The following NBPF4 variants were observed in gnomAD, a reference collection of about 807,000 sequenced individuals.
NBPF4 encodes the protein NBPF member 4.
A neutral mutation model predicts 21.1 loss-of-function variants in NBPF4; 11 were observed. That is an observed-to-expected ratio of 0.52 (90% CI 0.33 to 0.86). The LOEUF (loss-of-function observed/expected upper bound fraction) is 0.86. Among genes scored for constraint, NBPF4 ranks in the 40% least tolerant of loss-of-function variants. NBPF4 has a pLI of 0.03. For missense variants in NBPF4, 88 were observed against 265.3 expected (o/e 0.33, Z 4.64); for synonymous variants, 47 against 106.4 (o/e 0.44, Z 3.43).
upstream of NBPF4, among the ~76,000 whole-genome samples, chr1:108,247,540 T>C (rs1292614200): frequency 6.6e-6 from 1 of 152,394 alleles, no homozygotes; most frequent in Admixed American, 6.5e-5. Context: ...AGAGAGTCTG[T>C]AACTTGCCCA....
At chr1:108,256,032 T>C in the NBPF4 span, among the ~76,000 whole-genome samples, 1 of 135,392 alleles carries the variant, frequency 7.4e-6, no homozygotes, top group African/African-American at 2.7e-5. Flanking sequence ...TCAATCTTTT[T>C]ATTTGTTATT....
At chr1:108,266,044 T>A in the NBPF4 span, among the ~76,000 whole-genome samples, 2 of 88,666 alleles carry the variant, frequency 2.3e-5, no homozygotes, top group Admixed American at 1.4e-4. Flanking sequence ...AGTATAATAA[T>A]AATTTAAAAA....
chr1:108,266,284 C>G, the NBPF4 span, among the ~76,000 whole-genome samples: 1 of 137,732 alleles, frequency 7.3e-6, no homozygotes, highest in South Asian at 2.6e-4. Context: ...GTAGCTGTGA[C>G]TACAGGCATG....
At chr1:108,252,610 T>C in the NBPF4 span, among the ~76,000 whole-genome samples, 2 of 123,464 alleles carry the variant, frequency 1.6e-5, no homozygotes, top group African/African-American at 3.4e-5. Flanking sequence ...TTATGGTCTG[T>C]TCCAGGATTT....
In NBPF4 at chr1:108,229,031, G is replaced by A. The variant is rs1435383500; in HGVS notation, c.1549C>T (p.Gln517Ter). 2 of 1,550,018 alleles carry A rather than the reference G, an allele frequency of 1.3e-6. No individual in the cohort carries two copies. The highest frequency in any genetic ancestry group is 3.9e-5 in the Admixed American group (2 of 50,924). The stretch of plus-strand genomic sequence containing the variant: ...CCACAGTGGAACCCTTGATCCAGCT[G>A]TAGTCGCAGACAACTGGGCACCAGG... ...STLVPSCLRL[Q>*]LDQGFHCGNG... Residue 517 changes from glutamine to a stop codon, truncating the protein, a stop_gained, in exon 13 of 15, where the codon CAG becomes TAG. Coordinates refer to ENST00000415641, the MANE Select transcript of NBPF4 (RefSeq NM_001143989.3). LOFTEE classifies it high-confidence loss of function.
At chr1:108,241,339 TACACAC>T (rs929952048) in intron 3 of NBPF4, among the ~76,000 whole-genome samples, 175 bp from the exon 4 acceptor site, 1 of 110,196 alleles carries the variant, frequency 9.1e-6, no homozygotes. Context: ...TATATATATA[TACACAC>T]ACACACACAC....
At chr1:108,228,712 T>C (rs1422408774) in intron 13 of NBPF4, among the ~76,000 whole-genome samples, 5 of 149,306 alleles carry the variant, frequency 3.3e-5, no homozygotes, top group Admixed American at 6.7e-5. Flanking sequence ...TTGGCCAAAG[T>C]CAACAAGCAG....
At chr1:108,223,854 G>A (rs1649392885) in intron 14 of NBPF4, 108 bp from the exon 15 acceptor site, 1 of 1,179,792 alleles carries the variant, frequency 8.5e-7, no homozygotes, top group South Asian at 1.5e-5. Flanking sequence ...GGGATCTCCT[G>A]CTGGGAGGAT....
In NBPF4 at chr1:108,223,472, G is replaced by T. The variant is rs143422988; in HGVS notation, c.*233C>A. The stretch of plus-strand genomic sequence containing the variant: ...AGAAACAGGGCTAACGCCGGTCAAT[G>T]CTATTTGTCCATCTGGGCATTGGTC... On this transcript the variant is annotated 3_prime_UTR_variant, in exon 15 of 15. Coordinates refer to ENST00000415641, the MANE Select transcript of NBPF4 (RefSeq NM_001143989.3). 779 of 538,880 alleles carry T rather than the reference G, an allele frequency of 1.4e-3. 14 individuals are homozygous for T. The East Asian group carries it at 0.025, about 17-fold the overall frequency. The allele number at this position is 538,880 out of a possible 1,614,324, so 33.4% of individuals were successfully genotyped here.
the NBPF4 span, among the ~76,000 whole-genome samples, chr1:108,258,039 T>C: frequency 8.2e-5 from 11 of 134,738 alleles, no homozygotes; most frequent in East Asian, 2.0e-3. Context: ...TGTGAGATCA[T>C]ATCCCAACAC....
At chr1:108,226,471 A>G (rs1162505778) in intron 14 of NBPF4, among the ~76,000 whole-genome samples, 1 of 151,038 alleles carries the variant, frequency 6.6e-6, no homozygotes, top group African/African-American at 2.5e-5. Flanking sequence ...AAAAAGGAAT[A>G]GAGCAGAGTT....
At chr1:108,246,545 C>A (rs1240900421), upstream of NBPF4, among the ~76,000 whole-genome samples, 2 of 113,046 alleles carry the variant, frequency 1.8e-5, no homozygotes, top group Admixed American at 2.2e-4. Flanking sequence ...CTTTGTCTGA[C>A]CCCATCAGTG....
chr1:108,229,056 G>T lies in NBPF4; in HGVS notation c.1524C>A (p.Thr508=). 6.4e-7 allele frequency: 1 copy of T among 1,550,906 alleles called. No homozygotes were observed. Among genetic ancestry groups the T allele is most frequent in the Non-Finnish European group, 8.7e-7 (1 of 1,146,466 alleles). ...GTAGTCGCAGACAACTGGGCACCAG[G>T]GTGCTTGGTTCCAGCTGTGCCTGTG... The part of the protein sequence containing the change: ...QVSQAQLEPS[T]LVPSCLRLQL... The change falls in exon 13 of 15, where the codon ACC becomes ACA. Residue 508 remains threonine (T), a synonymous_variant. Transcript: ENST00000415641.
the NBPF4 span, among the ~76,000 whole-genome samples, chr1:108,259,707 CT>C: frequency 4.0e-5 from 6 of 149,740 alleles, no homozygotes; most frequent in Admixed American, 2.0e-4. Flanking sequence ...ACCTCATCTT[CT>C]TTTTTAAAAA....
chr1:108,244,901 G>GATATATATATATATAT (rs1173565670), upstream of NBPF4, among the ~76,000 whole-genome samples: 9 of 12,444 alleles, frequency 7.2e-4, 1 homozygote, highest in Non-Finnish European at 8.7e-4. Context: ...TATTGTTGGA[G>GATATATATATATATAT]ATATATATAT....
chr1:108,244,923 TATATATATATATATATATATATATACAC>T (rs1649785445), upstream of NBPF4, among the ~76,000 whole-genome samples: 3 of 47,814 alleles, frequency 6.3e-5, 1 homozygote, highest in African/African-American at 2.6e-4. Flanking sequence ...TATATATATA[TATATATATATATATATATATATATACAC>T]ACACATATAG....
Position 108,228,986 on chromosome 1 carries a change from C to T in NBPF4, c.1594G>A (p.Gly532Ser). Residue 532 changes from glycine (G) to serine (S), a missense_variant, in exon 13 of 15, where the codon GGC (glycine) becomes AGC (serine). Physicochemically the swap from Gly to Ser is moderately conservative, Grantham distance 56. Coordinates refer to ENST00000415641, the MANE Select transcript of NBPF4 (RefSeq NM_001143989.3). Reference sequence around the variant, plus strand: ...AAGCTGCAGGTGGTGGAGGAAAGGCCCCGCTGGGCCAAGCCGTTCCCACAG... The same window carrying T: ...AAGCTGCAGGTGGTGGAGGAAAGGCTCCGCTGGGCCAAGCCGTTCCCACAG... The part of the protein sequence containing the change: ...FHCGNGLAQR[G>S]LSSTTCSFSA... 1 of 1,541,950 alleles carries T rather than the reference C, an allele frequency of 6.5e-7. No individual in the cohort carries two copies. Among genetic ancestry groups the T allele is most frequent in the Admixed American group, 2.0e-5 (1 of 50,708 alleles).
At chr1:108,256,606 C>A in the NBPF4 span, among the ~76,000 whole-genome samples, 1 of 105,680 alleles carries the variant, frequency 9.5e-6, no homozygotes, top group Non-Finnish European at 1.9e-5. Context: ...CCCTCCCTCC[C>A]TCCCTCCCTT....
At chr1:108,264,125 G>A in the NBPF4 span, among the ~76,000 whole-genome samples, 1,300 of 140,428 alleles carry the variant, frequency 9.3e-3, 23 homozygotes, top group African/African-American at 0.035. Flanking sequence ...TCATCGGTAT[G>A]CTGTATTCAA....
Sources: allele counts gnomAD v4.1 joint callset (sites outside exome capture counted in the v4.1 genomes callset), GRCh38; gene constraint gnomAD v4.1.1; transcripts MANE v1.5; gene names NCBI Gene and HGNC (gene_info 2026-07-23, HGNC 2026-07-21).